Variants in CHST9 observed in about 807,000 individuals in gnomAD.
The protein encoded by CHST9 is carbohydrate sulfotransferase 9, also known as GalNAc-4-sulfotransferase 2.
CHST9 carries 41 observed loss-of-function variants against 44.4 expected under a neutral mutation model. The observed-to-expected ratio is 0.92, with a 90% CI of 0.72 to 1.20. CHST9 has a LOEUF of 1.20. CHST9 is among the 50% of genes most tolerant of loss of function. CHST9 has a pLI of 0.00. For missense variants in CHST9, 504 were observed against 516.5 expected (o/e 0.98, Z 0.23); for synonymous variants, 171 against 178.4 (o/e 0.96, Z 0.33).
intron 1 of CHST9, among the ~76,000 whole-genome samples, chr18:27,161,252 T>C (rs1435776137): frequency 1.3e-5 from 2 of 152,114 alleles, no homozygotes; most frequent in Non-Finnish European, 2.9e-5. Context: ...GCATTTAGTG[T>C]TATAAATTTC....
At chr18:27,089,556 T>A (rs1404130916) in intron 2 of CHST9, among the ~76,000 whole-genome samples, 2 of 152,202 alleles carry the variant, frequency 1.3e-5, no homozygotes, top group Non-Finnish European at 2.9e-5. Flanking sequence ...TTTGGGTTGG[T>A]TCCAAGTCTT....
At chr18:26,920,631 A>G (rs377650327) in intron 5 of CHST9, among the ~76,000 whole-genome samples, 1 of 152,208 alleles carries the variant, frequency 6.6e-6, no homozygotes, top group Non-Finnish European at 1.5e-5. Flanking sequence ...TGAATAAGTA[A>G]ATGTGCTTCT....
chr18:27,086,857 A>C (rs1344848194), intron 2 of CHST9, among the ~76,000 whole-genome samples: 1 of 152,202 alleles, frequency 6.6e-6, no homozygotes, highest in Admixed American at 6.5e-5. Flanking sequence ...GTCTCTATAA[A>C]GTAAGGAAGT....
At chr18:27,167,270 A>C (rs949478593) in intron 1 of CHST9, among the ~76,000 whole-genome samples, 16 of 152,158 alleles carry the variant, frequency 1.1e-4, no homozygotes, top group Non-Finnish European at 1.2e-4. Context: ...TCCTTATTTA[A>C]AGTGGAAAAC....
intron 2 of CHST9, among the ~76,000 whole-genome samples, chr18:27,132,425 C>G (rs9952545): frequency 0.011 from 1,720 of 152,280 alleles, 28 homozygotes; most frequent in African/African-American, 0.036. Context: ...CCAAACCAAG[C>G]AATTTAACTT....
chr18:27,066,255 G>A (rs35160933), intron 2 of CHST9, among the ~76,000 whole-genome samples: 11,688 of 152,180 alleles, frequency 0.077, 543 homozygotes, highest in South Asian at 0.15. Flanking sequence ...CCAGCATTTG[G>A]ACCCTCTCTC....
intron 5 of CHST9, among the ~76,000 whole-genome samples, chr18:26,925,350 G>A (rs1363944778): frequency 6.6e-6 from 1 of 152,168 alleles, no homozygotes; most frequent in African/African-American, 2.4e-5. Context: ...TCAAACAGAA[G>A]AGTAGATGCA....
intron 2 of CHST9, among the ~76,000 whole-genome samples, chr18:27,081,127 A>T (rs761538279): frequency 1.2e-4 from 19 of 152,148 alleles, no homozygotes; most frequent in Non-Finnish European, 1.9e-4. Flanking sequence ...CTTTTTAAAG[A>T]ATCAGTTCCA....
At chr18:27,095,918 A>T (rs1075312) in intron 2 of CHST9, among the ~76,000 whole-genome samples, 1 of 151,992 alleles carries the variant, frequency 6.6e-6, no homozygotes, top group Non-Finnish European at 1.5e-5. Context: ...CTTAAACTGA[A>T]CATGTGACCA....
chr18:26,960,734 G>A lies in CHST9; in HGVS notation c.203-16368C>T, dbSNP rs933990195. On this transcript the variant is annotated intron_variant, in intron 4 of 5. Transcript: ENST00000618847. ...GAGCCCAGGCAGGAGTTAGTGGTGC[G>A]ATCAGGGCTCACTCTAAACTCTGAC... is the stretch of plus-strand genomic sequence containing the variant. Among the ~76,000 whole-genome samples, 6 of 152,298 alleles carry A rather than the reference G, an allele frequency of 3.9e-5. 1 individual carries two copies. In the South Asian group the frequency reaches 1.2e-3, roughly 32 times the overall value.
intron 2 of CHST9, among the ~76,000 whole-genome samples, chr18:27,106,297 T>C (rs1356403796): frequency 6.6e-6 from 1 of 152,188 alleles, no homozygotes; most frequent in Admixed American, 6.5e-5. Context: ...GTAAAATTAG[T>C]TGAGCCTCAA....
chr18:27,048,457 A>G lies in CHST9; in HGVS notation c.160+8T>C. 6.2e-7 allele frequency: 1 copy of G among 1,604,320 alleles called. No individual in the cohort carries two copies. The highest frequency in any genetic ancestry group is 1.1e-5 in the South Asian group (1 of 88,322). On this transcript the variant is annotated splice_region_variant and intron_variant, in intron 3 of 5. Coordinates refer to ENST00000618847, the MANE Select transcript of CHST9 (RefSeq NM_031422.6). ...AATAAAGCTGGAGCCCATTGGACAA[A>G]ATCTTACCTGAAGTTACTTTTTGTT...
At chr18:27,005,698 A>G (rs577351359) in intron 4 of CHST9, among the ~76,000 whole-genome samples, 11 of 152,278 alleles carry the variant, frequency 7.2e-5, no homozygotes, top group Non-Finnish European at 1.6e-4. Context: ...GGTTATATCA[A>G]TTGGTTTCCA....
chr18:27,053,206 AGAGGAG>A (rs1469520586), intron 2 of CHST9, among the ~76,000 whole-genome samples: 7 of 117,490 alleles, frequency 6.0e-5, no homozygotes, highest in East Asian at 2.7e-4. Context: ...AAGAACAAGA[AGAGGAG>A]GAAGAGGAAG....
intron 5 of CHST9, among the ~76,000 whole-genome samples, chr18:26,925,307 G>C (rs1301894444): frequency 1.9e-5 from 1 of 51,288 alleles, no homozygotes; most frequent in Admixed American, 2.7e-4. Flanking sequence ...TAATAGACTA[G>C]GGGGCATGGA....
chr18:27,058,380 GA>G (rs1053037812), intron 2 of CHST9, among the ~76,000 whole-genome samples: 1 of 152,058 alleles, frequency 6.6e-6, no homozygotes, highest in Admixed American at 6.6e-5. Flanking sequence ...TCCTGTGCTA[GA>G]AAAAAATGAT....
intron 2 of CHST9, among the ~76,000 whole-genome samples, chr18:27,053,817 G>A (rs182184645): frequency 1.3e-5 from 2 of 152,124 alleles, no homozygotes; most frequent in Admixed American, 1.3e-4. Flanking sequence ...CCTGTCACAC[G>A]GCTCCTGCCT....
intron 1 of CHST9, among the ~76,000 whole-genome samples, chr18:27,181,475 A>G (rs2058911931): frequency 1.3e-5 from 2 of 152,214 alleles, no homozygotes; most frequent in Admixed American, 1.3e-4. Flanking sequence ...TACAGAGATG[A>G]AATGGACCAA....
intron 4 of CHST9, among the ~76,000 whole-genome samples, chr18:27,022,831 C>G (rs1432674838): frequency 6.6e-6 from 1 of 152,210 alleles, no homozygotes; most frequent in Non-Finnish European, 1.5e-5. Context: ...TAACACATTG[C>G]TTATCACATG....
Sources: allele counts gnomAD v4.1 joint callset (sites outside exome capture counted in the v4.1 genomes callset), GRCh38; gene constraint gnomAD v4.1.1; transcripts MANE v1.5; gene names NCBI Gene and HGNC (gene_info 2026-07-23, HGNC 2026-07-21).